The following MBTPS1 variants were observed in gnomAD, a reference collection of about 807,000 sequenced individuals.
MBTPS1 encodes membrane-bound transcription factor site-1 protease.
MBTPS1 carries 94 observed loss-of-function variants against 127.8 expected under a neutral mutation model. The observed-to-expected ratio is 0.74, with a 90% CI of 0.62 to 0.87. MBTPS1 has a LOEUF of 0.87. Among genes scored for constraint, MBTPS1 ranks in the 40% least tolerant of loss-of-function variants. The probability of loss-of-function intolerance (pLI) is 0.00; values close to 1 mark genes in which losing one functional copy is unlikely to be tolerated. For synonymous variants in MBTPS1, 632 were observed against 509.4 expected (o/e 1.24, Z -3.24); for missense variants, 1,636 against 1,353.2 (o/e 1.21, Z -3.28).
At chr16:84,099,712 G>A (rs926559800) in intron 2 of MBTPS1, among the ~76,000 whole-genome samples, 1 of 150,366 alleles carries the variant, frequency 6.7e-6, no homozygotes, top group African/African-American at 2.5e-5. Context: ...GGGAGGCGGA[G>A]ATTGCAGTAA....
rs1234088868 is a variant in MBTPS1 at position 84,091,780 on chromosome 16, G to T, written c.915C>A (p.Asn305Lys). ...TGAAGTCCGGGCCGCCGATGCTGAGGTTTAACACGTCGATCTTCTTTAAAA... is the reference window on the plus strand; with the variant it reads ...TGAAGTCCGGGCCGCCGATGCTGAGTTTTAACACGTCGATCTTCTTTAAAA... ...YAILKKIDVL[N>K]LSIGGPDFMD... is the part of the protein sequence containing the mutation. Residue 305 changes from asparagine (N) to lysine (K), a missense_variant, in exon 7 of 23, where the codon AAC becomes AAA. Transcript: ENST00000343411. 1 of 1,614,148 alleles carries T rather than the reference G, an allele frequency of 6.2e-7. No homozygotes were observed. Among genetic ancestry groups the T allele is most frequent in the Non-Finnish European group, 8.5e-7 (1 of 1,180,012 alleles).
intron 3 of MBTPS1, among the ~76,000 whole-genome samples, chr16:84,097,080 C>T (rs1379791645): frequency 6.6e-6 from 1 of 152,192 alleles, no homozygotes; most frequent in Admixed American, 6.5e-5. Flanking sequence ...AAGGGACACA[C>T]CATGGGTATC....
Position 84,068,450 on chromosome 16 carries a change from C to G in MBTPS1, c.1960G>C (p.Gly654Arg), listed in dbSNP as rs1567477517. Residue 654 changes from glycine to arginine, a missense_variant, in exon 15 of 23, where the codon GGT (glycine) becomes CGT (arginine). By Grantham distance (125) the Gly-to-Arg change is moderately radical. Coordinates refer to ENST00000343411, the MANE Select transcript of MBTPS1 (RefSeq NM_003791.4). ...RMKNDPLDWNGDHIHTNFRDM... is the reference protein window; with the variant it reads ...RMKNDPLDWNRDHIHTNFRDM... ...CTGAAATTGGTGTGGATGTGATCACCATTCCTGAAAAACAATAGGCCACAG... is the reference window on the plus strand; with the variant it reads ...CTGAAATTGGTGTGGATGTGATCACGATTCCTGAAAAACAATAGGCCACAG... 1 of 1,599,814 alleles carries G rather than the reference C, an allele frequency of 6.3e-7. No individual in the cohort carries two copies. Among genetic ancestry groups the G allele is most frequent in the Non-Finnish European group, 8.6e-7 (1 of 1,166,884 alleles).
At chr16:84,114,275 C>T (rs536574239) in intron 1 of MBTPS1, among the ~76,000 whole-genome samples, 2 of 152,040 alleles carry the variant, frequency 1.3e-5, no homozygotes, top group African/African-American at 4.8e-5. Context: ...AAGGTGTATT[C>T]GGGTGTATTC....
intron 1 of MBTPS1, among the ~76,000 whole-genome samples, chr16:84,115,999 GACAT>G (rs2086470875): frequency 6.6e-6 from 1 of 151,768 alleles, no homozygotes; most frequent in Middle Eastern, 3.2e-3. Flanking sequence ...CCTTTTCGTA[GACAT>G]ACAATTGGAG....
At chr16:84,093,673 G>T in intron 5 of MBTPS1, 38 bp downstream of exon 5, 1 of 1,352,182 alleles carries the variant, frequency 7.4e-7, no homozygotes, top group South Asian at 1.2e-5. Context: ...ACTCTCAGTC[G>T]ATCACATGAC....
intron 11 of MBTPS1, among the ~76,000 whole-genome samples, chr16:84,075,902 A>T (rs917542312): frequency 6.6e-6 from 1 of 152,226 alleles, no homozygotes; most frequent in Non-Finnish European, 1.5e-5. Flanking sequence ...TCCTGAATGG[A>T]TCGGCCATGT....
intron 22 of MBTPS1, among the ~76,000 whole-genome samples, chr16:84,055,414 C>T (rs961787838): frequency 6.6e-6 from 1 of 152,216 alleles, no homozygotes. Flanking sequence ...AAAAGAACTG[C>T]CCAGGCTCGG....
chr16:84,115,233 C>T (rs1197076024), intron 1 of MBTPS1, among the ~76,000 whole-genome samples: 1 of 152,198 alleles, frequency 6.6e-6, no homozygotes, highest in Non-Finnish European at 1.5e-5. Flanking sequence ...GCCCAGCCTT[C>T]CTAGTTCTTG....
chr16:84,070,233 A>C (rs891765983), intron 13 of MBTPS1, among the ~76,000 whole-genome samples, 195 bp from the exon 14 acceptor site: 6 of 152,254 alleles, frequency 3.9e-5, no homozygotes, highest in Admixed American at 2.0e-4. Flanking sequence ...AACAGTTAAA[A>C]TTTAAGGCAT....
chr16:84,092,477 T>C (rs781039073), intron 6 of MBTPS1, among the ~76,000 whole-genome samples: 1 of 152,220 alleles, frequency 6.6e-6, no homozygotes, highest in Non-Finnish European at 1.5e-5. Flanking sequence ...GGTACTTATA[T>C]TTTCTCATAT....
chr16:84,059,012 T>A (rs1171236031), intron 21 of MBTPS1, among the ~76,000 whole-genome samples: 1 of 152,204 alleles, frequency 6.6e-6, no homozygotes, highest in African/African-American at 2.4e-5. Context: ...ACCACAGGAC[T>A]TAGAGCTCCA....
chr16:84,098,714 G>T (rs977024388), intron 3 of MBTPS1, among the ~76,000 whole-genome samples: 2 of 152,206 alleles, frequency 1.3e-5, no homozygotes, highest in Non-Finnish European at 2.9e-5. Flanking sequence ...GCACGAGAAG[G>T]CGGCCGCAGC....
intron 18 of MBTPS1, 108 bp downstream of exon 18, chr16:84,065,582 A>C: frequency 1.3e-6 from 1 of 772,644 alleles, no homozygotes; most frequent in Non-Finnish European, 2.3e-6. Flanking sequence ...ATTATATGCA[A>C]TAAAGCTTTT....
chr16:84,064,021 T>G lies in MBTPS1; in HGVS notation c.2432-576A>C, dbSNP rs1198206873. 2.0e-5 allele frequency among the ~76,000 whole-genome samples: 3 copies of G among 152,324 alleles called. No homozygotes were observed. In the East Asian group the frequency reaches 5.8e-4, roughly 29 times the overall value. On this transcript the variant is annotated intron_variant, in intron 18 of 22. Transcript: ENST00000343411. ...AGACACATGTTCCAATAGCACAGCCTCCTATCTTTGCCCAGATGACATAAT... is the reference window on the plus strand; with the variant it reads ...AGACACATGTTCCAATAGCACAGCCGCCTATCTTTGCCCAGATGACATAAT...
At chr16:84,101,016 A>AAAAAAAAAC in intron 2 of MBTPS1, among the ~76,000 whole-genome samples, 1 of 151,426 alleles carries the variant, frequency 6.6e-6, no homozygotes. Context: ...AAAAAAAAAA[A>AAAAAAAAAC]AAGGCCTGGC....
At chr16:84,067,928 T>C in intron 15 of MBTPS1, 105 bp from the exon 16 acceptor site, 1 of 1,133,948 alleles carries the variant, frequency 8.8e-7, no homozygotes, top group Non-Finnish European at 1.3e-6. Context: ...TACTGACACC[T>C]AACAGTCTGG....
In MBTPS1 at chr16:84,100,621, A is replaced by T. The variant is rs149950526; in HGVS notation, c.163+1000T>A. Among the ~76,000 whole-genome samples the T allele has an allele frequency of 5.5e-3, 835 of 151,846 alleles. 8 individuals are homozygous for T. Among genetic ancestry groups the T allele is most frequent in the African/African-American group, 0.019 (804 of 41,388 alleles). ...CAGGTGCCTGTAGTCCCAGCTACTC[A>T]GGAGGCTGAAGTGGGAGACCACTTG... On this transcript the variant is annotated intron_variant, in intron 2 of 22. Transcript: ENST00000343411.
At chr16:84,112,533 G>A (rs2086411713) in intron 1 of MBTPS1, among the ~76,000 whole-genome samples, 1 of 150,982 alleles carries the variant, frequency 6.6e-6, no homozygotes, top group Non-Finnish European at 1.5e-5. Flanking sequence ...GTGGTGGTGG[G>A]CTCCTGTAGT....
Sources: gnomAD v4.1 joint callset for allele counts (sites outside exome capture counted in the v4.1 genomes callset) on GRCh38, gnomAD v4.1.1 for gene constraint, MANE v1.5 for transcripts, NCBI Gene and HGNC (gene_info 2026-07-23, HGNC 2026-07-21) for gene names.